Variants in MYOF observed in about 807,000 individuals in gnomAD.
The protein encoded by MYOF is myoferlin.
A neutral mutation model predicts 284.2 loss-of-function variants in MYOF; 244 were observed. The ratio of observed to expected loss-of-function variants is 0.86; its 90% CI spans 0.77 to 0.95. The LOEUF (loss-of-function observed/expected upper bound fraction) is 0.95. Ranked by LOEUF, MYOF falls within the 40% of genes least tolerant of loss-of-function variation. MYOF has a pLI of 0.00. For synonymous variants in MYOF, 904 were observed against 919.7 expected (o/e 0.98, Z 0.31); for missense variants, 2,496 against 2,560.6 (o/e 0.97, Z 0.54).
rs34689790 is a variant in MYOF, at chr10:93,325,837, T to C, written c.5260A>G (p.Asn1754Asp). 16,995 of 1,612,608 alleles carry C rather than the reference T, an allele frequency of 0.011. 122 individuals are homozygous for C. Among genetic ancestry groups the C allele is most frequent in the Non-Finnish European group, 0.013 (15,139 of 1,179,412 alleles). ...GGAAGGCCCTTTACCTGGGAAATGT[T>C]GGGCTGGAAGGTGCTGTGCAAAGTC... Reference protein sequence around the residue: ...TRTLHSTFQPNISQGKLQMWV... With the variant: ...TRTLHSTFQPDISQGKLQMWV... The change falls in exon 46 of 54, where the codon AAC becomes GAC. Residue 1754 changes from asparagine (N) to aspartate (D), a missense_variant. Physicochemically the swap from Asn to Asp is conservative, Grantham distance 23. Around this residue, in one of 3 missense-constraint regions of MYOF, gnomAD observed 2,436 missense variants for 2,480.7 expected, o/e 0.98. Coordinates refer to ENST00000359263, the MANE Select transcript of MYOF (RefSeq NM_013451.4).
chr10:93,310,577 C>T lies in MYOF; in HGVS notation c.5956G>A (p.Gly1986Arg). The part of the protein sequence containing the change: ...KEADERPAGK[G>R]RDEPNMNPKL... ...GGGTTCATGTTGGGTTCGTCCCGCC[C>T]CTTCCCGGCTGGCCTCTCGTCGGCC... The change falls in exon 52 of 54, where the codon GGG (glycine) becomes AGG (arginine). Residue 1986 changes from glycine (G) to arginine (R), a missense_variant. This residue lies in a region of MYOF where 2,436 missense variants were observed against 2,480.7 expected (regional missense o/e 0.98). Transcript: ENST00000359263. 1 of 1,613,814 alleles carries T rather than the reference C, an allele frequency of 6.2e-7. No individual in the cohort carries two copies. The highest frequency in any genetic ancestry group is 8.5e-7 in the Non-Finnish European group (1 of 1,179,846).
At chr10:93,337,721 A>G (rs1843680160) in intron 40 of MYOF, 94 bp downstream of exon 40, 1 of 1,020,098 alleles carries the variant, frequency 9.8e-7, no homozygotes, top group African/African-American at 1.6e-5. Context: ...ATTAGCACCC[A>G]CCCAAGGGAC....
chr10:93,435,393 C>A (rs1196752141), intron 3 of MYOF, among the ~76,000 whole-genome samples: 1 of 152,178 alleles, frequency 6.6e-6, no homozygotes, highest in Admixed American at 6.5e-5. Context: ...CAGCTAGATA[C>A]CATTTGTGAT....
At chr10:93,362,383 T>G (rs1399001911) in intron 27 of MYOF, among the ~76,000 whole-genome samples, 1 of 152,092 alleles carries the variant, frequency 6.6e-6, no homozygotes, top group African/African-American at 2.4e-5. Flanking sequence ...TAGCTGGGAT[T>G]ACAGGCACCT....
chr10:93,310,517 C>G lies in MYOF; in HGVS notation c.5999+17G>C. On this transcript the variant is annotated intron_variant, in intron 52 of 53. Coordinates refer to ENST00000359263, the MANE Select transcript of MYOF (RefSeq NM_013451.4). ...TGCAGGTGTTTGGGGAGTGGGAGAACAAAGAAGGCCTCTCACTTTGGTAAG... is the reference window on the plus strand; with the variant it reads ...TGCAGGTGTTTGGGGAGTGGGAGAAGAAAGAAGGCCTCTCACTTTGGTAAG... The G allele has an allele frequency of 6.2e-7, 1 of 1,612,060 alleles. No homozygotes were observed. Among genetic ancestry groups the G allele is most frequent in the Non-Finnish European group, 8.5e-7 (1 of 1,179,074 alleles).
At chr10:93,378,518 A>T (rs577943722) in intron 21 of MYOF, among the ~76,000 whole-genome samples, 1 of 151,864 alleles carries the variant, frequency 6.6e-6, no homozygotes, top group African/African-American at 2.4e-5. Context: ...GTTTTAGATC[A>T]AGTATACTCC....
chr10:93,306,754 T>TTC lies in MYOF; in HGVS notation c.*208_*209insGA, dbSNP rs1589361215. The TTC allele has an allele frequency of 1.4e-5, 7 of 514,012 alleles. 1 individual carries two copies. The East Asian group carries it at 2.4e-4, about 18-fold the overall frequency. 31.8% of individuals were successfully genotyped at this position (514,012 alleles called of 1,614,324 possible). A position where few individuals can be genotyped will look rare whatever the true frequency, so the allele number is the denominator to read the frequency against. The stretch of plus-strand genomic sequence containing the variant: ...ATTTAAACTTTAGAAAATAAAACTT[T>TTC]TAATACTTAAGAGATAACATGATGC... On this transcript the variant is annotated 3_prime_UTR_variant, in exon 54 of 54. Coordinates refer to ENST00000359263, the MANE Select transcript of MYOF (RefSeq NM_013451.4).
chr10:93,397,479 G>T (rs1272381702), intron 13 of MYOF, 23 bp from the exon 14 acceptor site: 4 of 1,576,868 alleles, frequency 2.5e-6, no homozygotes, highest in Non-Finnish European at 3.4e-6. Context: ...CAAAGCAAAA[G>T]TGTAGGTTTT....
Position 93,323,272 on chromosome 10 carries a change from C to T in MYOF, c.5358G>A (p.Lys1786=), listed in dbSNP as rs1842913987. 6.2e-7 allele frequency: 1 copy of T among 1,614,162 alleles called. No individual in the cohort carries two copies. Residue 1786 remains lysine (K), a splice_region_variant and synonymous_variant, in exon 47 of 54, where the codon AAG becomes AAA. Coordinates refer to ENST00000359263, the MANE Select transcript of MYOF (RefSeq NM_013451.4). ...PPFNITPRKA[K]KYYLRVIIWN... Reference sequence around the variant, plus strand: ...GGGTCTCAGGATGACTGACTTACTTCTTGGCTTTCCGGGGTGTGATGTTGA... The same window carrying T: ...GGGTCTCAGGATGACTGACTTACTTTTTGGCTTTCCGGGGTGTGATGTTGA...
chr10:93,446,066 T>C (rs916380715), intron 3 of MYOF, among the ~76,000 whole-genome samples: 3 of 152,172 alleles, frequency 2.0e-5, no homozygotes, highest in Admixed American at 1.3e-4. Flanking sequence ...GTGTGTGTAT[T>C]GGTTAGTTGG....
chr10:93,333,146 G>T, intron 43 of MYOF, 75 bp downstream of exon 43: 1 of 1,195,318 alleles, frequency 8.4e-7, no homozygotes, highest in Non-Finnish European at 1.3e-6. Flanking sequence ...GGACAGGGTT[G>T]GACACATATT....
rs1843822715 is a variant in MYOF at position 93,340,043 on chromosome 10, G to A, written c.4338+110C>T. 3.0e-5 allele frequency: 36 copies of A among 1,195,512 alleles called. No homozygotes were observed. In the South Asian group the frequency reaches 4.6e-4, roughly 15 times the overall value. The allele number at this position is 1,195,512 out of a possible 1,614,324, so 74.1% of individuals were successfully genotyped here. The stretch of plus-strand genomic sequence containing the variant: ...TGCAGTGAGCCAAGATCGCGCCACT[G>A]CACTCCAGCCTGGGTGAAAGAGCGA... On this transcript the variant is annotated intron_variant, in intron 39 of 53. Coordinates refer to ENST00000359263, the MANE Select transcript of MYOF (RefSeq NM_013451.4).
chr10:93,408,588 T>C (rs772748912), intron 7 of MYOF, among the ~76,000 whole-genome samples, 199 bp downstream of exon 7: 1 of 151,932 alleles, frequency 6.6e-6, no homozygotes, highest in South Asian at 2.1e-4. Context: ...CCTTTTCCAA[T>C]AGCAGAAGTG....
At chr10:93,349,734 T>C in intron 36 of MYOF, 74 bp downstream of exon 36, 1 of 1,238,452 alleles carries the variant, frequency 8.1e-7, no homozygotes, top group African/African-American at 1.5e-5. Context: ...ACTCTGTGTT[T>C]GTGTGTGTGT....
chr10:93,310,997 T>C (rs1043769750), intron 51 of MYOF, among the ~76,000 whole-genome samples: 3 of 152,178 alleles, frequency 2.0e-5, no homozygotes, highest in African/African-American at 7.2e-5. Context: ...ATATCTAACA[T>C]TTATTGAGCA....
chr10:93,462,308 G>T (rs1482259854), intron 1 of MYOF, among the ~76,000 whole-genome samples: 1 of 152,110 alleles, frequency 6.6e-6, no homozygotes, highest in Non-Finnish European at 1.5e-5. Flanking sequence ...GACCTCAAGT[G>T]ATCCGCTCAC....
chr10:93,372,580 C>T (rs1278775759), intron 24 of MYOF, among the ~76,000 whole-genome samples: 1 of 152,250 alleles, frequency 6.6e-6, no homozygotes, highest in African/African-American at 2.4e-5. Flanking sequence ...ACCATCCCTA[C>T]TGCTTTCTCT....
rs1198158042 is a variant in MYOF, at chr10:93,361,108, G to T, written c.2974+344C>A. ...AGACAATTTTTCTATGGACAGGGTT[G>T]TGGGGTAGAGGGAGGATGGCTAGAT... On this transcript the variant is annotated intron_variant, in intron 28 of 53. Coordinates refer to ENST00000359263, the MANE Select transcript of MYOF (RefSeq NM_013451.4). 5.3e-5 allele frequency among the ~76,000 whole-genome samples: 8 copies of T among 152,306 alleles called. No individual in the cohort carries two copies. In the South Asian group the frequency reaches 1.0e-3, roughly 20 times the overall value.
At chr10:93,403,099 A>G (rs1415479758) in intron 9 of MYOF, among the ~76,000 whole-genome samples, 1 of 152,162 alleles carries the variant, frequency 6.6e-6, no homozygotes, top group Non-Finnish European at 1.5e-5. Context: ...CTATTGAATG[A>G]ATGAGCTAGT....
Sources: allele counts gnomAD v4.1 joint callset (sites outside exome capture counted in the v4.1 genomes callset), GRCh38; gene constraint gnomAD v4.1.1; regional missense constraint gnomAD v4.1.1; transcripts MANE v1.5; gene names NCBI Gene and HGNC (gene_info 2026-07-23, HGNC 2026-07-21).